Variants in CDH1 observed in about 807,000 individuals in gnomAD.
The protein encoded by CDH1 is cadherin 1.
CDH1 carries 35 observed loss-of-function variants against 84.5 expected under a neutral mutation model. The ratio of observed to expected loss-of-function variants is 0.41; its 90% confidence interval spans 0.32 to 0.55. The LOEUF is 0.55. Among genes scored for constraint, CDH1 ranks in the 20% least tolerant of loss-of-function variants. The pLI is 0.19. For synonymous variants in CDH1, 417 were observed against 439.0 expected, an observed-to-expected ratio of 0.95 and a Z score of 0.63; for missense variants, 994 against 1,126.6, an observed-to-expected ratio of 0.88 and a Z score of 1.68.
chr16:68,772,615 A>G (rs945751459), intron 2 of CDH1, among the ~76,000 whole-genome samples: 4 of 152,076 alleles, frequency 2.6e-5, no homozygotes, highest in Non-Finnish European at 5.9e-5. Context: ...CAAAATCACC[A>G]CACTATGTCA....
intron 2 of CDH1, among the ~76,000 whole-genome samples, chr16:68,780,429 A>G (rs1194142519): frequency 6.6e-6 from 1 of 151,888 alleles, no homozygotes; most frequent in Admixed American, 6.6e-5. Flanking sequence ...TCAGCCTCCC[A>G]AGTAGCTGGG....
chr16:68,785,896 G>A (rs890776878), intron 2 of CDH1, among the ~76,000 whole-genome samples: 15 of 152,298 alleles, frequency 9.8e-5, no homozygotes, highest in Admixed American at 2.0e-4. Context: ...TCATTTTTGT[G>A]TGCAAGCTTT....
At chr16:68,808,142 A>G (rs1233596807) in intron 3 of CDH1, among the ~76,000 whole-genome samples, 1 of 152,222 alleles carries the variant, frequency 6.6e-6, no homozygotes, top group African/African-American at 2.4e-5. Flanking sequence ...CCTGAAACCA[A>G]TACTTGTGTA....
chr16:68,834,493 G>A lies in CDH1; in HGVS notation c.*994G>A. ...TGGCCCCCCAAAGTGCTGGGATTGTGGGCATGAGCTGCTGTGCCCAGCCTC... is the reference window on the plus strand; with the variant it reads ...TGGCCCCCCAAAGTGCTGGGATTGTAGGCATGAGCTGCTGTGCCCAGCCTC... On this transcript the variant is annotated 3_prime_UTR_variant, in exon 16 of 16. Coordinates refer to ENST00000261769, the MANE Select transcript of CDH1 (RefSeq NM_004360.5). The A allele has an allele frequency of 3.4e-6, 1 of 292,266 alleles. No individual in the cohort carries two copies. Among genetic ancestry groups the A allele is most frequent in the South Asian group, 5.1e-5 (1 of 19,564 alleles). 18.1% of individuals were successfully genotyped at this position (292,266 alleles called of 1,614,324 possible).
chr16:68,830,160 G>A (rs1961449165), intron 15 of CDH1, among the ~76,000 whole-genome samples: 1 of 151,466 alleles, frequency 6.6e-6, no homozygotes. Context: ...CTCCATGTTG[G>A]TCAGGCTGGT....
intron 2 of CDH1, among the ~76,000 whole-genome samples, chr16:68,738,966 A>AC (rs1962485410): frequency 2.5e-4 from 1 of 4,072 alleles, no homozygotes; most frequent in Non-Finnish European, 8.9e-4. Flanking sequence ...TTTTTTTTTA[A>AC]AGACAGGGTC....
chr16:68,830,107 A>G (rs535419332), intron 15 of CDH1, among the ~76,000 whole-genome samples: 393 of 150,636 alleles, frequency 2.6e-3, no homozygotes, highest in Middle Eastern at 6.8e-3. Flanking sequence ...GGCATGCACC[A>G]CCACACTCAG....
chr16:68,819,508 G>A (rs2152137181), intron 11 of CDH1, 83 bp downstream of exon 11: 1 of 1,379,182 alleles, frequency 7.3e-7, no homozygotes, highest in Non-Finnish European at 1.0e-6. Flanking sequence ...TTGGAGGGAA[G>A]AGTTCATTCT....
At chr16:68,775,889 G>C (rs1040909698) in intron 2 of CDH1, among the ~76,000 whole-genome samples, 1 of 152,188 alleles carries the variant, frequency 6.6e-6, no homozygotes, top group East Asian at 1.9e-4. Flanking sequence ...CATTTCCCCT[G>C]TCTTCCACAG....
chr16:68,760,489 C>A (rs889989275), intron 2 of CDH1, among the ~76,000 whole-genome samples: 7 of 151,976 alleles, frequency 4.6e-5, no homozygotes, highest in Non-Finnish European at 8.8e-5. Flanking sequence ...CCGTCTCCTG[C>A]CCCTCCTTTA....
At chr16:68,779,159 T>C (rs895208634) in intron 2 of CDH1, among the ~76,000 whole-genome samples, 2 of 152,204 alleles carry the variant, frequency 1.3e-5, no homozygotes, top group Non-Finnish European at 2.9e-5. Flanking sequence ...CAACACCGCC[T>C]GCCTCATCAG....
At chr16:68,810,793 G>C (rs1262610620) in intron 6 of CDH1, among the ~76,000 whole-genome samples, 1 of 151,902 alleles carries the variant, frequency 6.6e-6, no homozygotes, top group Non-Finnish European at 1.5e-5. Context: ...TTGAACCCGG[G>C]AGGCGGGGGT....
Position 68,811,786 on chromosome 16 carries a change from C to T in CDH1, c.935C>T (p.Pro312Leu), listed in dbSNP as rs2152132053. ...ATCCTCAGCCAAGATCCTGAGCTCCCTGACAAAAATATGTTCACCATTAAC... is the reference window on the plus strand; with the variant it reads ...ATCCTCAGCCAAGATCCTGAGCTCCTTGACAAAAATATGTTCACCATTAAC... The part of the protein sequence containing the change: ...YTILSQDPEL[P>L]DKNMFTINRN... The change falls in exon 7 of 16, where the codon CCT (proline) becomes CTT (leucine). Residue 312 changes from proline to leucine, a missense_variant. Pro to Leu is a moderately conservative substitution (Grantham distance 98, BLOSUM62 -3). This residue lies in a region of CDH1 where 769 missense variants were observed against 881.8 expected (regional missense o/e 0.87). Coordinates refer to ENST00000261769, the MANE Select transcript of CDH1 (RefSeq NM_004360.5). 6.2e-7 allele frequency: 1 copy of T among 1,614,184 alleles called. No individual in the cohort carries two copies. The highest frequency in any genetic ancestry group is 1.3e-5 in the African/African-American group (1 of 75,040).
At chr16:68,754,525 CTCATGCACACAGGTGTG>C (rs1278501883) in intron 2 of CDH1, among the ~76,000 whole-genome samples, 42 of 152,326 alleles carry the variant, frequency 2.8e-4, no homozygotes, top group African/African-American at 9.1e-4. Flanking sequence ...TCCTGTAACC[CTCATGCACACAGGTGTG>C]TCATGCACAC....
chr16:68,806,122 A>ATGTTATT (rs377407300), intron 3 of CDH1, among the ~76,000 whole-genome samples: 2 of 144,434 alleles, frequency 1.4e-5, no homozygotes, highest in African/African-American at 5.1e-5. Context: ...TAATTTTTGT[A>ATGTTATT]TATTTATTTA....
At chr16:68,805,855 G>A (rs1032973161) in intron 3 of CDH1, among the ~76,000 whole-genome samples, 2 of 152,016 alleles carry the variant, frequency 1.3e-5, no homozygotes, top group Non-Finnish European at 2.9e-5. Context: ...GCCTCCCAAA[G>A]GAAAAAGCCT....
intron 10 of CDH1, among the ~76,000 whole-genome samples, chr16:68,816,027 G>GT (rs912575949): frequency 1.2e-4 from 19 of 152,042 alleles, no homozygotes; most frequent in Non-Finnish European, 2.5e-4. Flanking sequence ...ATACTATTGT[G>GT]TTTTTTTGAG....
chr16:68,756,951 G>A (rs969244883), intron 2 of CDH1, among the ~76,000 whole-genome samples: 2 of 152,198 alleles, frequency 1.3e-5, no homozygotes, highest in African/African-American at 2.4e-5. Context: ...GCAGTGAGCT[G>A]CGTTTTGCAC....
At chr16:68,791,608 G>A (rs1415260237) in intron 2 of CDH1, among the ~76,000 whole-genome samples, 2 of 152,038 alleles carry the variant, frequency 1.3e-5, no homozygotes, top group Non-Finnish European at 2.9e-5. Context: ...TTTTTGTAGA[G>A]TTGGGGTCTT....
Sources: allele counts gnomAD v4.1 joint callset (sites outside exome capture counted in the v4.1 genomes callset), GRCh38; gene constraint gnomAD v4.1.1; regional missense constraint gnomAD v4.1.1; transcripts MANE v1.5; gene names NCBI Gene and HGNC (gene_info 2026-07-23, HGNC 2026-07-21).